MARK3: variants seen among roughly 807,000 people sequenced by gnomAD.
MARK3 encodes MAP/microtubule affinity-regulating kinase 3.
Under a neutral mutation model 90.1 loss-of-function variants are expected in MARK3, and 46 were observed. The observed-to-expected ratio is 0.51, with a 90% CI of 0.40 to 0.65. The LOEUF is 0.65. MARK3 is among the 30% of genes least tolerant of loss of function. The pLI is 0.00. For missense variants in MARK3, 818 were observed against 947.2 expected (o/e 0.86, Z 1.79); for synonymous variants, 321 against 332.6 (o/e 0.97, Z 0.38).
At chr14:103,431,693 C>T (rs1397254392) in intron 3 of MARK3, among the ~76,000 whole-genome samples, 1 of 152,196 alleles carries the variant, frequency 6.6e-6, no homozygotes, top group Non-Finnish European at 1.5e-5. Context: ...GATGGAGACA[C>T]ACTCCTTCCC....
At position 103,468,020 on chromosome 14, in the gene MARK3, C is replaced by T. The variant is rs983182892; in HGVS notation, c.1111-13C>T. The T allele has an allele frequency of 2.5e-6, 4 of 1,609,258 alleles. No individual in the cohort carries two copies. In the African/African-American group the frequency reaches 4.0e-5, roughly 16 times the overall value. On this transcript the variant is annotated splice_polypyrimidine_tract_variant and intron_variant, in intron 11 of 17. Transcript: ENST00000429436. ...GTGTTGTGGTTTGCTCTGTTTTTCT[C>T]ATTTTCTCTTAGCTGGATGCTAGTG...
intron 15 of MARK3, among the ~76,000 whole-genome samples, chr14:103,496,428 T>G (rs2142087143): frequency 6.6e-6 from 1 of 151,858 alleles, no homozygotes; most frequent in Non-Finnish European, 1.5e-5. Context: ...TTTTTTTTTT[T>G]TTGAGACGGA....
chr14:103,423,622 A>G (rs577727502), intron 2 of MARK3, among the ~76,000 whole-genome samples: 2 of 152,270 alleles, frequency 1.3e-5, no homozygotes, highest in South Asian at 2.1e-4. Flanking sequence ...GGTGACCCCA[A>G]GGTTTCAGCT....
intron 2 of MARK3, chr14:103,412,676 A>G: frequency 3.4e-6 from 3 of 872,194 alleles, no homozygotes; most frequent in Admixed American, 3.9e-5. Context: ...CACCATCTTC[A>G]GGAACTTGGG....
At chr14:103,452,055 C>A (rs2093160152) in intron 5 of MARK3, 72 bp downstream of exon 5, 2 of 961,930 alleles carry the variant, frequency 2.1e-6, no homozygotes, top group Non-Finnish European at 3.2e-6. Flanking sequence ...CCATACTGCC[C>A]ATATGGGTCA....
chr14:103,387,927 T>C (rs1473130702), intron 1 of MARK3, among the ~76,000 whole-genome samples: 1 of 151,898 alleles, frequency 6.6e-6, no homozygotes, highest in African/African-American at 2.4e-5. Flanking sequence ...TTCAAATGGG[T>C]CTTTTTTCTT....
chr14:103,445,685 A>G (rs2092976327), intron 3 of MARK3, among the ~76,000 whole-genome samples: 2 of 152,328 alleles, frequency 1.3e-5, no homozygotes, highest in Admixed American at 6.5e-5. Flanking sequence ...CTGCCTAACA[A>G]ATTCCTCCAG....
In MARK3 at chr14:103,503,144, G is replaced by A. The variant is rs745488888; in HGVS notation, c.2179G>A (p.Gly727Arg). The A allele has an allele frequency of 4.3e-6, 7 of 1,614,078 alleles. No homozygotes were observed. Among genetic ancestry groups the A allele is most frequent in the African/African-American group, 1.3e-5 (1 of 74,922 alleles). ...VCKLPRLSLN[G>R]VRFKRISGTS... ...CAAGCTGCCAAGACTGTCTCTGAAC[G>A]GGGTCCGGTTTAAGCGGATATCGGG... The change falls in exon 18 of 18, where the codon GGG becomes AGG. Residue 727 changes from glycine to arginine, a missense_variant. Physicochemically the swap from Gly to Arg is moderately radical, Grantham distance 125. This residue lies in a region of MARK3 where 560 missense variants were observed against 613.5 expected (regional missense o/e 0.91). Transcript: ENST00000429436.
intron 1 of MARK3, among the ~76,000 whole-genome samples, chr14:103,404,733 T>C (rs983765206): frequency 1.3e-5 from 2 of 152,158 alleles, no homozygotes; most frequent in African/African-American, 4.8e-5. Context: ...GCACGGGCTG[T>C]AGTGAGGCTC....
At chr14:103,467,278 T>A (rs1193656611) in intron 11 of MARK3, 87 bp downstream of exon 11, 2 of 601,366 alleles carry the variant, frequency 3.3e-6, no homozygotes, top group Non-Finnish European at 5.7e-6. Flanking sequence ...CTTTTGAATA[T>A]TTGTAACATT....
intron 13 of MARK3, 64 bp downstream of exon 13, chr14:103,475,274 G>C (rs2093695127): frequency 1.2e-5 from 17 of 1,405,716 alleles, no homozygotes; most frequent in Non-Finnish European, 1.5e-5. Context: ...TAGACACCAG[G>C]TGTTCATTTT....
intron 14 of MARK3, among the ~76,000 whole-genome samples, chr14:103,481,942 A>G (rs1595887852): frequency 6.7e-6 from 1 of 149,516 alleles, no homozygotes; most frequent in South Asian, 2.1e-4. Flanking sequence ...AATTTTTTGT[A>G]TTTTTAGTAG....
intron 2 of MARK3, among the ~76,000 whole-genome samples, chr14:103,414,958 C>G (rs2091873582): frequency 7.0e-6 from 1 of 143,808 alleles, no homozygotes; most frequent in Admixed American, 6.7e-5. Context: ...TTGGGACCAG[C>G]CTGGCCAACA....
intron 3 of MARK3, among the ~76,000 whole-genome samples, chr14:103,448,387 T>G (rs1393385408): frequency 2.0e-5 from 3 of 152,120 alleles, no homozygotes; most frequent in African/African-American, 7.2e-5. Context: ...CTCATGAGGG[T>G]CACTAATGTA....
At chr14:103,499,599 G>C (rs1039314807) in intron 16 of MARK3, 1 of 152,438 alleles carries the variant, frequency 6.6e-6, no homozygotes, top group African/African-American at 2.4e-5. Context: ...CAAGCTGCAG[G>C]TCAAAACTGC....
chr14:103,426,589 G>A (rs1316050201), intron 2 of MARK3, among the ~76,000 whole-genome samples: 1 of 152,056 alleles, frequency 6.6e-6, no homozygotes, highest in East Asian at 1.9e-4. Flanking sequence ...GATATTCCCT[G>A]GTCATGGCAA....
intron 1 of MARK3, among the ~76,000 whole-genome samples, chr14:103,391,017 A>G (rs1283240005): frequency 6.6e-6 from 1 of 152,170 alleles, no homozygotes; most frequent in East Asian, 1.9e-4. Context: ...AGTCAAAACT[A>G]TTTTTTAAAA....
chr14:103,467,839 T>C, intron 11 of MARK3, 194 bp from the exon 12 acceptor site: 2 of 479,628 alleles, frequency 4.2e-6, no homozygotes, highest in Admixed American at 7.6e-5. Flanking sequence ...ATAAATACCT[T>C]ACCTTTAGTG....
Position 103,467,128 on chromosome 14 carries a change from TAGTA to T in MARK3, c.1050_1053del (p.Ser350ArgfsTer2), listed in dbSNP as rs755710777. 2.5e-6 allele frequency: 4 copies of T among 1,602,542 alleles called. No individual in the cohort carries two copies. The highest frequency in any genetic ancestry group is 2.6e-6 in the Non-Finnish European group (3 of 1,171,412). Reference sequence around the variant, plus strand: ...CACAAGAAGAAATTCAAGAATCTCTTAGTAAGATGAAATACGATGAAATCACAGC... The same window carrying T: ...CACAAGAAGAAATTCAAGAATCTCTTAGATGAAATACGATGAAATCACAGC... On this transcript the variant is annotated frameshift_variant, in exon 11 of 18. Coordinates refer to ENST00000429436, the MANE Select transcript of MARK3 (RefSeq NM_001128918.3). LOFTEE classifies it high-confidence loss of function.
Sources: allele counts gnomAD v4.1 joint callset (sites outside exome capture counted in the v4.1 genomes callset), GRCh38; gene constraint gnomAD v4.1.1; regional missense constraint gnomAD v4.1.1; transcripts MANE v1.5; gene names NCBI Gene and HGNC (gene_info 2026-07-23, HGNC 2026-07-21).